Variants in PAK6 observed in about 807,000 individuals in gnomAD.
PAK6 encodes the protein serine/threonine-protein kinase PAK 6.
PAK6 carries 33 observed loss-of-function variants against 60.8 expected under a neutral mutation model. The ratio of observed to expected loss-of-function variants is 0.54; its 90% CI spans 0.41 to 0.73. PAK6 has a LOEUF of 0.73. PAK6 is among the 30% of genes least tolerant of loss of function. The pLI, the probability that PAK6 is intolerant of heterozygous loss-of-function variation, is 0.00. For missense variants in PAK6, 845 were observed against 904.1 expected (o/e 0.93, Z 0.84); for synonymous variants, 404 against 378.5 (o/e 1.07, Z -0.78).
intron 5 of PAK6, among the ~76,000 whole-genome samples, chr15:40,268,735 G>A (rs568420860): frequency 1.6e-4 from 24 of 152,312 alleles, no homozygotes; most frequent in African/African-American, 5.5e-4. Context: ...AGGGCGTGGG[G>A]GCACAGAGAC....
intron 3 of PAK6, among the ~76,000 whole-genome samples, chr15:40,256,191 T>C (rs939123514): frequency 5.9e-5 from 9 of 152,164 alleles, no homozygotes; most frequent in African/African-American, 1.9e-4. Flanking sequence ...CGCCACTGCA[T>C]TTCAGCCTGG....
exon 6 of PAK6, chr15:40,272,605 G>A: frequency 6.2e-7 from 1 of 1,612,374 alleles, no homozygotes; most frequent in East Asian, 2.2e-5. Flanking sequence ...CGTGAAGATT[G>A]GCGAGGGCTC....
At chr15:40,261,667 C>T (rs1369851516) in intron 3 of PAK6, among the ~76,000 whole-genome samples, 3 of 152,172 alleles carry the variant, frequency 2.0e-5, no homozygotes, top group Non-Finnish European at 4.4e-5. Context: ...GTGTTGGCCT[C>T]ACCACATTTC....
intron 7 of PAK6, 32 bp downstream of exon 7, chr15:40,273,031 C>G (rs1033595515): frequency 1.9e-6 from 3 of 1,608,962 alleles, no homozygotes; most frequent in South Asian, 1.1e-5. Context: ...ACCCTGAGTG[C>G]AGGCTGCCCT....
At chr15:40,264,174 C>T (rs79914249) in intron 3 of PAK6, among the ~76,000 whole-genome samples, 7,956 of 151,640 alleles carry the variant, frequency 0.052, 838 homozygotes, top group East Asian at 0.49. Context: ...TTTTTATTAA[C>T]GTATCATATT....
exon 6 of PAK6, chr15:40,272,649 C>T (rs1363110042): frequency 4.4e-6 from 7 of 1,607,202 alleles, no homozygotes; most frequent in Non-Finnish European, 5.9e-6. Context: ...GGGAGAAGCA[C>T]TCGGGCCGCC....
At chr15:40,252,086 G>A (rs538027928) in intron 2 of PAK6, 7 of 298,166 alleles carry the variant, frequency 2.3e-5, no homozygotes, top group Admixed American at 5.0e-5. Flanking sequence ...CTGCGCAAGG[G>A]GCTACCCCAG....
At chr15:40,252,851 G>A (rs1595574060) in intron 2 of PAK6, 1 of 1,268,418 alleles carries the variant, frequency 7.9e-7, no homozygotes, top group East Asian at 6.5e-5. Context: ...CCCTGGAGCG[G>A]GACCTCCCTC....
chr15:40,239,290 TG>T, upstream of PAK6: 1 of 152,220 alleles, frequency 6.6e-6, no homozygotes. Context: ...TCCAGGCAGG[TG>T]GGGGAGGGCG....
exon 7 of PAK6, chr15:40,272,931 C>A (rs771199033): frequency 6.2e-7 from 1 of 1,613,922 alleles, no homozygotes; most frequent in Non-Finnish European, 8.5e-7. Context: ...ACCTGGTGGG[C>A]GAGGAGCTGT....
chr15:40,269,526 CAATT>C (rs148751823), intron 5 of PAK6, among the ~76,000 whole-genome samples: 63 of 152,346 alleles, frequency 4.1e-4, no homozygotes, highest in Non-Finnish European at 6.9e-4. Flanking sequence ...GAGCCTGTAA[CAATT>C]AATTAATTCT....
chr15:40,259,857 GAA>G (rs35563178), intron 3 of PAK6: 1 of 146,614 alleles, frequency 6.8e-6, no homozygotes, highest in Non-Finnish European at 1.5e-5. Context: ...GGAAAACTTA[GAA>G]AAAGAGTAGA....
chr15:40,244,980 T>C (rs1005451613), intron 2 of PAK6: 5 of 152,202 alleles, frequency 3.3e-5, no homozygotes, highest in African/African-American at 1.2e-4. Context: ...CAGTGATGAC[T>C]TTTTTTGACA....
At chr15:40,275,933 C>T in exon 11 of PAK6, 1 of 1,612,888 alleles carries the variant, frequency 6.2e-7, no homozygotes, top group Non-Finnish European at 8.5e-7. Context: ...ACAGGTCTCC[C>T]CAGTGCTGCG....
At chr15:40,251,394 G>T (rs1773773283) in intron 2 of PAK6, 1 of 152,192 alleles carries the variant, frequency 6.6e-6, no homozygotes, top group Admixed American at 6.5e-5. Context: ...CGGGTTGCCT[G>T]AGCTCTATTA....
At chr15:40,267,996 G>A (rs1185906298) in intron 5 of PAK6, among the ~76,000 whole-genome samples, 2 of 152,160 alleles carry the variant, frequency 1.3e-5, no homozygotes, top group Non-Finnish European at 2.9e-5. Flanking sequence ...CTGGGCTCCT[G>A]CCAGCACCCC....
rs906527391 is a variant in PAK6 at position 40,254,191 on chromosome 15, C to G, written c.-6+902C>G. Among the ~76,000 whole-genome samples the G allele has an allele frequency of 2.6e-5, 4 of 152,174 alleles. No individual in the cohort carries two copies. In the South Asian group the frequency reaches 8.3e-4, roughly 32 times the overall value. On this transcript the variant is annotated intron_variant, in intron 3 of 10. Transcript: ENST00000560346. ...TCTACAAACTTATAAATGGCCTCAT[C>G]TGTAAAATGGGAATGCGAATGCCTT... is the stretch of plus-strand genomic sequence containing the variant.
chr15:40,266,054 C>T (rs376277766), exon 5 of PAK6: 2 of 1,609,268 alleles, frequency 1.2e-6, no homozygotes, highest in Admixed American at 3.4e-5. Flanking sequence ...AGCGCACTGA[C>T]CCCCACGGCC....
chr15:40,267,295 G>A (rs567099977), intron 5 of PAK6, among the ~76,000 whole-genome samples: 1 of 152,164 alleles, frequency 6.6e-6, no homozygotes, highest in Non-Finnish European at 1.5e-5. Context: ...CCTGCACAGG[G>A]TGTGGGTTTG....
Sources: allele counts gnomAD v4.1 joint callset (sites outside exome capture counted in the v4.1 genomes callset), GRCh38; gene constraint gnomAD v4.1.1; transcripts MANE v1.5; gene names NCBI Gene and HGNC (gene_info 2026-07-23, HGNC 2026-07-21).